ENTPD7: variants seen among roughly 807,000 people sequenced by gnomAD.
The protein encoded by ENTPD7 is ectonucleoside triphosphate diphosphohydrolase 7.
ENTPD7 carries 53 observed loss-of-function variants against 77.9 expected under a neutral mutation model. That is an observed-to-expected ratio of 0.68 (90% confidence interval 0.55 to 0.85). The LOEUF (loss-of-function observed/expected upper bound fraction) is 0.85. Ranked by LOEUF, ENTPD7 falls within the 40% of genes least tolerant of loss-of-function variation. The pLI is 0.00. For synonymous variants in ENTPD7, 248 were observed against 274.9 expected (o/e 0.90, Z 0.97); for missense variants, 636 against 743.7 (o/e 0.86, Z 1.68).
In ENTPD7 at chr10:99,661,613, A is replaced by G; in HGVS notation, c.176A>G (p.Asp59Gly). Residue 59 changes from aspartate to glycine, a missense_variant, in exon 3 of 13, where the codon GAT becomes GGT. Around this residue, in one of 3 missense-constraint regions of ENTPD7, gnomAD observed 486 missense variants for 556.5 expected, o/e 0.87. Coordinates refer to ENST00000370489, the MANE Select transcript of ENTPD7 (RefSeq NM_020354.5). ...FRHWSASLPR[D>G]RQYERYLARV... ...CATTGGAGTGCTTCATTACCACGAG[A>G]TAGGCAATACGAAAGGTGAGTCAGC... 6.2e-7 allele frequency: 1 copy of G among 1,608,724 alleles called. No individual in the cohort carries two copies. Among genetic ancestry groups the G allele is most frequent in the Non-Finnish European group, 8.5e-7 (1 of 1,178,266 alleles).
rs61744268 is a variant in ENTPD7, at chr10:99,698,720, A to G, written c.1197A>G (p.Ser399=). ...CTCGCTCCAACACCAGCCAGGCCTC[A>G]CTCAATGGCATATATCAATCGCCTA... The part of the protein sequence containing the change: ...LLARSNTSQA[S]LNGIYQSPID... Residue 399 remains serine (S), a synonymous_variant, in exon 10 of 13, where the codon TCA becomes TCG. Coordinates refer to ENST00000370489, the MANE Select transcript of ENTPD7 (RefSeq NM_020354.5). 2 of 1,614,214 alleles carry G rather than the reference A, an allele frequency of 1.2e-6. No homozygotes were observed. Among genetic ancestry groups the G allele is most frequent in the Non-Finnish European group, 1.7e-6 (2 of 1,180,046 alleles).
intron 3 of ENTPD7, among the ~76,000 whole-genome samples, chr10:99,667,069 C>T (rs1415620514): frequency 6.6e-6 from 1 of 152,134 alleles, no homozygotes; most frequent in Admixed American, 6.5e-5. Flanking sequence ...TGGTCAGAGC[C>T]AATAAATACT....
chr10:99,704,029 T>C (rs910190159), intron 12 of ENTPD7, among the ~76,000 whole-genome samples: 1 of 152,226 alleles, frequency 6.6e-6, no homozygotes, highest in African/African-American at 2.4e-5. Flanking sequence ...CTTGGCTGCA[T>C]AGCAACTTTA....
Position 99,709,521 on chromosome 10 carries a change from TAAC to T in ENTPD7, c.*4840_*4842del. ...CAAAACCAAAAGTTGTGATTAATAA[TAAC>T]AGGATTATTAGTCAATAATATTTTG... On this transcript the variant is annotated 3_prime_UTR_variant, in exon 13 of 13. Transcript: ENST00000370489. The T allele has an allele frequency of 3.1e-6, 3 of 983,482 alleles. No individual in the cohort carries two copies. Among genetic ancestry groups the T allele is most frequent in the Non-Finnish European group, 3.6e-6 (3 of 828,154 alleles). 60.9% of individuals were successfully genotyped at this position (983,482 alleles called of 1,614,324 possible). A position where few individuals can be genotyped will look rare whatever the true frequency, so the allele number is the denominator to read the frequency against.
At chr10:99,691,579 A>G (rs1478175153) in intron 8 of ENTPD7, 61 bp downstream of exon 8, 3 of 1,592,700 alleles carry the variant, frequency 1.9e-6, no homozygotes. Context: ...AAGGAAGGAC[A>G]CTGTCTTTGG....
chr10:99,661,305 A>G, intron 2 of ENTPD7, 141 bp from the exon 3 acceptor site: 1 of 672,440 alleles, frequency 1.5e-6, no homozygotes, highest in South Asian at 2.4e-5. Context: ...TTCTTCTAAA[A>G]TTAGAGATGA....
Position 99,691,429 on chromosome 10 carries a change from A to C in ENTPD7, c.754A>C (p.Arg252=). Residue 252 remains arginine, a synonymous_variant, in exon 8 of 13, where the codon AGG becomes CGG. Transcript: ENST00000370489. ...CCAGGAATTGGCAGCAGGACGGAGA[A>C]GGACAGTAGGGATACTGGATATGGG... ...ATQELAAGRR[R]TVGILDMGGA... The C allele has an allele frequency of 6.2e-7, 1 of 1,613,872 alleles. No homozygotes were observed. Among genetic ancestry groups the C allele is most frequent in the South Asian group, 1.1e-5 (1 of 91,046 alleles).
chr10:99,685,629 C>T (rs886075501), intron 5 of ENTPD7, among the ~76,000 whole-genome samples, 163 bp from the exon 6 acceptor site: 1 of 152,042 alleles, frequency 6.6e-6, no homozygotes, highest in South Asian at 2.1e-4. Flanking sequence ...GCAGTTTAAA[C>T]TTTTAAAATC....
intron 2 of ENTPD7, among the ~76,000 whole-genome samples, chr10:99,660,994 A>G (rs1212200165): frequency 6.6e-6 from 1 of 152,172 alleles, no homozygotes; most frequent in Non-Finnish European, 1.5e-5. Context: ...CAGGGCAAGA[A>G]TCACTTTTCA....
chr10:99,674,221 T>G (rs2035653052), intron 3 of ENTPD7, among the ~76,000 whole-genome samples: 2 of 152,072 alleles, frequency 1.3e-5, no homozygotes, highest in Middle Eastern at 3.4e-3. Flanking sequence ...TTCTCAAGAG[T>G]GTTTAGTGGC....
chr10:99,703,435 G>A (rs960973317), intron 12 of ENTPD7, among the ~76,000 whole-genome samples: 4 of 152,216 alleles, frequency 2.6e-5, no homozygotes, highest in African/African-American at 7.2e-5. Flanking sequence ...CACAAGCACT[G>A]TCCCAGCATT....
chr10:99,660,304 C>A, intron 2 of ENTPD7: 1 of 985,318 alleles, frequency 1.0e-6, no homozygotes, highest in Non-Finnish European at 1.2e-6. Context: ...TTGCAGTGAA[C>A]TTTAAAAGCA....
intron 5 of ENTPD7, among the ~76,000 whole-genome samples, chr10:99,684,508 TG>T (rs1470343816): frequency 6.6e-6 from 1 of 152,232 alleles, no homozygotes; most frequent in African/African-American, 2.4e-5. Context: ...AAATTCTTAT[TG>T]CAAGAATTTA....
intron 9 of ENTPD7, among the ~76,000 whole-genome samples, chr10:99,698,163 C>T (rs578133224): frequency 6.6e-6 from 1 of 152,296 alleles, no homozygotes; most frequent in South Asian, 2.1e-4. Context: ...ACCTCACCCC[C>T]TACCAGTTGT....
chr10:99,674,016 G>C (rs1476154768), intron 3 of ENTPD7, among the ~76,000 whole-genome samples: 1 of 151,918 alleles, frequency 6.6e-6, no homozygotes, highest in Non-Finnish European at 1.5e-5. Flanking sequence ...TATAAACAGG[G>C]AATATTGACG....
At chr10:99,698,233 G>A (rs1263774843) in intron 9 of ENTPD7, among the ~76,000 whole-genome samples, 4 of 152,180 alleles carry the variant, frequency 2.6e-5, no homozygotes, top group Non-Finnish European at 5.9e-5. Flanking sequence ...TAGGAGGTAC[G>A]TGGGAATGAA....
At chr10:99,676,063 T>C (rs1246432362) in intron 3 of ENTPD7, among the ~76,000 whole-genome samples, 1 of 152,100 alleles carries the variant, frequency 6.6e-6, no homozygotes, top group Non-Finnish European at 1.5e-5. Context: ...AAATTGAAAA[T>C]TGAAATTTTT....
intron 5 of ENTPD7, among the ~76,000 whole-genome samples, chr10:99,684,053 A>AATTT (rs1008185633): frequency 8.5e-5 from 13 of 152,148 alleles, no homozygotes; most frequent in Admixed American, 1.3e-4. Context: ...TTGTACTAGT[A>AATTT]ATTTATTTAT....
rs1349343748 is a variant in ENTPD7, at chr10:99,707,650, CTT to C, written c.*2968_*2969del. On this transcript the variant is annotated 3_prime_UTR_variant, in exon 13 of 13. Coordinates refer to ENST00000370489, the MANE Select transcript of ENTPD7 (RefSeq NM_020354.5). Reference sequence around the variant, plus strand: ...AATGAACCTGAACTGTTTTAGGACTCTTGTTATTACTGAGACAGGTCACAAAC... The same window carrying C: ...AATGAACCTGAACTGTTTTAGGACTCGTTATTACTGAGACAGGTCACAAAC... Among the ~76,000 whole-genome samples the C allele has an allele frequency of 2.0e-5, 3 of 152,162 alleles. No individual in the cohort carries two copies. The highest frequency in any genetic ancestry group is 7.2e-5 in the African/African-American group (3 of 41,424).
Sources: gnomAD v4.1 joint callset for allele counts (sites outside exome capture counted in the v4.1 genomes callset) on GRCh38, gnomAD v4.1.1 for gene constraint, gnomAD v4.1.1 regional missense constraint, MANE v1.5 for transcripts, NCBI Gene and HGNC (gene_info 2026-07-23, HGNC 2026-07-21) for gene names.